The following SLC8A3 variants were observed in gnomAD, a reference collection of about 807,000 sequenced individuals.
SLC8A3 encodes solute carrier family 8 member A3.
Under a neutral mutation model 65.4 loss-of-function variants are expected in SLC8A3, and 37 were observed. The observed-to-expected ratio is 0.57, with a 90% CI of 0.44 to 0.74. The LOEUF is 0.74. Ranked by LOEUF, SLC8A3 falls within the 30% of genes least tolerant of loss-of-function variation. The probability of loss-of-function intolerance (pLI) is 0.00; values close to 1 mark genes in which losing one functional copy is unlikely to be tolerated. For missense variants in SLC8A3, 1,112 were observed against 1,172.1 expected, an observed-to-expected ratio of 0.95 and a Z score of 0.75; for synonymous variants, 461 against 444.5, an observed-to-expected ratio of 1.04 and a Z score of -0.47.
At chr14:70,099,625 T>C (rs796665734) in intron 2 of SLC8A3, among the ~76,000 whole-genome samples, 4 of 152,268 alleles carry the variant, frequency 2.6e-5, no homozygotes, top group African/African-American at 9.6e-5. Context: ...TCAGGAAGGA[T>C]GGAAAAGTAA....
At chr14:70,142,844 C>A (rs574091209) in intron 2 of SLC8A3, among the ~76,000 whole-genome samples, 2 of 152,258 alleles carry the variant, frequency 1.3e-5, no homozygotes, top group East Asian at 3.9e-4. Context: ...AATCTAGATT[C>A]TTCTGGTCCC....
intron 2 of SLC8A3, among the ~76,000 whole-genome samples, chr14:70,084,113 C>G (rs1891256438): frequency 6.6e-6 from 1 of 152,190 alleles, no homozygotes; most frequent in South Asian, 2.1e-4. Context: ...AATTACTTAG[C>G]AGAAATTGCT....
intron 2 of SLC8A3, among the ~76,000 whole-genome samples, chr14:70,062,228 C>A (rs560418187): frequency 9.2e-5 from 14 of 152,178 alleles, no homozygotes; most frequent in Middle Eastern, 3.4e-3. Flanking sequence ...CTTCTGTGGG[C>A]GTGCTCGGCT....
chr14:70,055,097 G>T (rs1887934623), intron 3 of SLC8A3, among the ~76,000 whole-genome samples: 1 of 152,030 alleles, frequency 6.6e-6, no homozygotes, highest in South Asian at 2.1e-4. Context: ...CAAAGTAGGT[G>T]TACGTCCTCT....
intron 2 of SLC8A3, among the ~76,000 whole-genome samples, chr14:70,108,725 T>C (rs758248473): frequency 6.6e-6 from 1 of 152,250 alleles, no homozygotes; most frequent in Non-Finnish European, 1.5e-5. Context: ...AGCTTTAAAA[T>C]AGCAATCATA....
rs574919071 is a variant in SLC8A3 at position 70,153,514 on chromosome 14, G to A, written c.1784+13125C>T. ...AATCCCTGACAAAAAAACAAGAAGG[G>A]GGTGTTGCCTCTGTATGGCCACAGC... On this transcript the variant is annotated intron_variant, in intron 2 of 6. Coordinates refer to ENST00000356921, the MANE Select transcript of SLC8A3 (RefSeq NM_182932.3). Among the ~76,000 whole-genome samples, 5 of 152,202 alleles carry A rather than the reference G, an allele frequency of 3.3e-5. No homozygotes were observed. In the South Asian group the frequency reaches 1.0e-3, roughly 32 times the overall value.
intron 2 of SLC8A3, chr14:70,079,988 G>T: frequency 1.7e-6 from 1 of 597,446 alleles, no homozygotes; most frequent in Middle Eastern, 8.5e-4. Context: ...CGTTTCTTCA[G>T]CAGTTACCTG....
At chr14:70,094,930 T>G (rs1892054211) in intron 2 of SLC8A3, among the ~76,000 whole-genome samples, 1 of 152,170 alleles carries the variant, frequency 6.6e-6, no homozygotes, top group African/African-American at 2.4e-5. Flanking sequence ...ACAGCAGCAG[T>G]ATTGCAAAGT....
chr14:70,179,992 G>T (rs947552384), intron 1 of SLC8A3, among the ~76,000 whole-genome samples: 1 of 152,162 alleles, frequency 6.6e-6, no homozygotes, highest in Non-Finnish European at 1.5e-5. Context: ...AGGACCAAGA[G>T]GAAGCATCCC....
chr14:70,151,950 A>G (rs1170464109), intron 2 of SLC8A3, among the ~76,000 whole-genome samples: 18 of 152,128 alleles, frequency 1.2e-4, no homozygotes, highest in Admixed American at 1.2e-3. Context: ...ATTAATGGTT[A>G]CACCTGCAAA....
chr14:70,163,612 C>T (rs1447560400), intron 2 of SLC8A3, among the ~76,000 whole-genome samples: 1 of 152,200 alleles, frequency 6.6e-6, no homozygotes. Flanking sequence ...GCAATTAGCA[C>T]AGCCTCTGGT....
chr14:70,087,728 CAT>C (rs1308334970), intron 2 of SLC8A3, among the ~76,000 whole-genome samples: 1 of 152,190 alleles, frequency 6.6e-6, no homozygotes, highest in African/African-American at 2.4e-5. Flanking sequence ...CTCCATCTCT[CAT>C]ATGTTTCTGC....
intron 2 of SLC8A3, among the ~76,000 whole-genome samples, chr14:70,129,232 CTTAG>C (rs1368792981): frequency 6.6e-6 from 1 of 152,144 alleles, no homozygotes; most frequent in Non-Finnish European, 1.5e-5. Context: ...ATTTAAATTC[CTTAG>C]TTATATTCCT....
intron 2 of SLC8A3, among the ~76,000 whole-genome samples, chr14:70,151,764 C>T (rs1390725636): frequency 5.9e-5 from 9 of 152,148 alleles, no homozygotes; most frequent in African/African-American, 9.7e-5. Flanking sequence ...TCTAGAGGTC[C>T]GAGAGGAGAA....
intron 2 of SLC8A3, among the ~76,000 whole-genome samples, chr14:70,101,543 A>T (rs941712230): frequency 4.6e-5 from 7 of 152,148 alleles, no homozygotes; most frequent in African/African-American, 1.4e-4. Flanking sequence ...GTAGATCACA[A>T]AGTTATTCTA....
chr14:70,188,800 C>T lies in SLC8A3; in HGVS notation c.-484G>A. 6.6e-6 allele frequency: 1 copy of T among 152,232 alleles called. No homozygotes were observed. Among genetic ancestry groups the T allele is most frequent in the Non-Finnish European group, 1.5e-5 (1 of 68,004 alleles). The allele number at this position is 152,232 out of a possible 1,614,324, so 9.4% of individuals were successfully genotyped here. ...GGGCAGGAAGGCAAGCAGCCCGGCG[C>T]GCCCTGGCGGCTCCGAGGGACCTGG... On this transcript the variant is annotated 5_prime_UTR_variant, in exon 1 of 7. Coordinates refer to ENST00000356921, the MANE Select transcript of SLC8A3 (RefSeq NM_182932.3).
intron 2 of SLC8A3, among the ~76,000 whole-genome samples, chr14:70,066,826 A>G (rs898850959): frequency 1.3e-5 from 2 of 152,142 alleles, no homozygotes; most frequent in Admixed American, 6.5e-5. Flanking sequence ...AAAACAAAAC[A>G]AACAACAACA....
intron 2 of SLC8A3, among the ~76,000 whole-genome samples, chr14:70,083,144 C>T (rs1891179387): frequency 6.6e-6 from 1 of 152,206 alleles, no homozygotes; most frequent in African/African-American, 2.4e-5. Context: ...TGACCTAGCT[C>T]CTCTCCCCAG....
chr14:70,150,852 C>G (rs1037486906), intron 2 of SLC8A3, among the ~76,000 whole-genome samples: 6 of 152,140 alleles, frequency 3.9e-5, no homozygotes, highest in African/African-American at 1.4e-4. Flanking sequence ...TACAGTGGGT[C>G]CTTGTTTTCC....
Sources: gnomAD v4.1 joint callset for allele counts (sites outside exome capture counted in the v4.1 genomes callset) on GRCh38, gnomAD v4.1.1 for gene constraint, MANE v1.5 for transcripts, NCBI Gene and HGNC (gene_info 2026-07-23, HGNC 2026-07-21) for gene names.